Variants in ADAMTS2 observed in about 807,000 individuals in gnomAD.
ADAMTS2 encodes ADAM metallopeptidase with thrombospondin type 1 motif 2.
A neutral mutation model predicts 123.0 loss-of-function variants in ADAMTS2; 50 were observed. The observed-to-expected ratio is 0.41, with a 90% CI of 0.32 to 0.51. The LOEUF (loss-of-function observed/expected upper bound fraction) is 0.51. ADAMTS2 is among the 20% of genes least tolerant of loss of function. The pLI is 0.35. For synonymous variants in ADAMTS2, 678 were observed against 695.4 expected, an observed-to-expected ratio of 0.98 and a Z score of 0.39; for missense variants, 1,494 against 1,705.2, an observed-to-expected ratio of 0.88 and a Z score of 2.18.
Position 179,139,471 on chromosome 5 carries a change from G to A in ADAMTS2, c.1775+419C>T, listed in dbSNP as rs1020537774. The stretch of plus-strand genomic sequence containing the variant: ...GCTCTACAGGTTGTCCCTCCCCTGG[G>A]CAGCCAGACACTGATGACAAATCCC... On this transcript the variant is annotated intron_variant, in intron 11 of 21. Coordinates refer to ENST00000251582, the MANE Select transcript of ADAMTS2 (RefSeq NM_014244.5). 2.6e-5 allele frequency among the ~76,000 whole-genome samples: 4 copies of A among 152,212 alleles called. No homozygotes were observed. The South Asian group carries it at 6.2e-4, about 24-fold the overall frequency.
At chr5:179,209,269 C>G (rs1172499684) in intron 3 of ADAMTS2, among the ~76,000 whole-genome samples, 25 of 152,236 alleles carry the variant, frequency 1.6e-4, no homozygotes, top group Admixed American at 1.6e-3. Flanking sequence ...CGGCCAGAAG[C>G]TCTCTCCTTG....
intron 11 of ADAMTS2, 89 bp downstream of exon 11, chr5:179,139,801 G>A: frequency 6.4e-7 from 1 of 1,574,748 alleles, no homozygotes; most frequent in Non-Finnish European, 8.6e-7. Context: ...TGCAGCCACA[G>A]GGCCCTCCAG....
At chr5:179,171,017 A>G (rs1763805081) in intron 5 of ADAMTS2, among the ~76,000 whole-genome samples, 1 of 152,198 alleles carries the variant, frequency 6.6e-6, no homozygotes, top group South Asian at 2.1e-4. Flanking sequence ...GAAACTAGAA[A>G]CTTTTATAGC....
At position 179,122,704 on chromosome 5, in the gene ADAMTS2, C is replaced by T. The variant is rs368690576; in HGVS notation, c.3028G>A (p.Gly1010Ser). 3.5e-5 allele frequency: 54 copies of T among 1,551,770 alleles called. No individual in the cohort carries two copies. In the Admixed American group the frequency reaches 4.1e-4, roughly 12 times the overall value. The change falls in exon 20 of 22, where the codon GGC becomes AGC. Residue 1010 changes from glycine (G) to serine (S), a missense_variant. By Grantham distance (56) the Gly-to-Ser change is moderately conservative (BLOSUM62 0). Around this residue, in one of 6 missense-constraint regions of ADAMTS2, gnomAD observed 953 missense variants for 1,124.7 expected, o/e 0.85. Transcript: ENST00000251582. ...TCAGGACGCTCCTCCTGGCAGATGC[C>T]GAAGCTGTCGTCCGCGGTGCGGCAG... ...VLCRTADDSF[G>S]ICQEERPETA...
At chr5:179,322,296 G>A (rs895935803) in intron 2 of ADAMTS2, among the ~76,000 whole-genome samples, 1 of 152,240 alleles carries the variant, frequency 6.6e-6, no homozygotes, top group Admixed American at 6.5e-5. Flanking sequence ...GAGGAGCAGA[G>A]GATGCACCCA....
chr5:179,325,352 C>T (rs1757285582), intron 2 of ADAMTS2, among the ~76,000 whole-genome samples: 1 of 152,118 alleles, frequency 6.6e-6, no homozygotes, highest in African/African-American at 2.4e-5. Flanking sequence ...TCATGGGCAG[C>T]TGGAAGGGAG....
rs1343321895 is a variant in ADAMTS2 at position 179,307,357 on chromosome 5, CT to C, written c.535-34294del. Among the ~76,000 whole-genome samples, 1 of 152,214 alleles carries C rather than the reference CT, an allele frequency of 6.6e-6. No individual in the cohort carries two copies. Among genetic ancestry groups the C allele is most frequent in the East Asian group, 1.9e-4 (1 of 5,188 alleles). On this transcript the variant is annotated intron_variant, in intron 2 of 21. Transcript: ENST00000251582. The surrounding 1 kb of genome is among the most constrained non-coding windows in gnomAD (Gnocchi z 5.6). Reference sequence around the variant, plus strand: ...GCACCCGGCCAACCCTGGGTGGCCACTGCTCAGCACTCCAGGACAGCTCCAT... The same window carrying C: ...GCACCCGGCCAACCCTGGGTGGCCACGCTCAGCACTCCAGGACAGCTCCAT...
intron 5 of ADAMTS2, among the ~76,000 whole-genome samples, chr5:179,178,482 G>A (rs953399560): frequency 1.3e-5 from 2 of 152,222 alleles, no homozygotes; most frequent in Non-Finnish European, 1.5e-5. Context: ...CGAAGTGGCC[G>A]GCTGCAGAGA....
intron 2 of ADAMTS2, among the ~76,000 whole-genome samples, chr5:179,288,859 C>G (rs1351775802): frequency 1.3e-5 from 2 of 152,188 alleles, no homozygotes; most frequent in Non-Finnish European, 2.9e-5. Context: ...ACAGTGGCAC[C>G]CCAGGGTATG....
chr5:179,239,231 C>T (rs1005366125), intron 3 of ADAMTS2, among the ~76,000 whole-genome samples: 3 of 152,112 alleles, frequency 2.0e-5, no homozygotes, highest in Non-Finnish European at 4.4e-5. Context: ...ACGCAAGTGA[C>T]AACCGTGGAG....
intron 2 of ADAMTS2, among the ~76,000 whole-genome samples, chr5:179,292,718 C>T (rs1455725255): frequency 6.6e-6 from 1 of 152,118 alleles, no homozygotes; most frequent in Non-Finnish European, 1.5e-5. Context: ...CAAGGTGACT[C>T]TCTCTCCTTG....
chr5:179,255,367 C>T (rs1766022442), intron 3 of ADAMTS2, among the ~76,000 whole-genome samples: 1 of 152,104 alleles, frequency 6.6e-6, no homozygotes, highest in South Asian at 2.1e-4. Context: ...GTCACTGTTG[C>T]CATTTATACA....
At chr5:179,289,217 G>A (rs898954131) in intron 2 of ADAMTS2, among the ~76,000 whole-genome samples, 1 of 152,206 alleles carries the variant, frequency 6.6e-6, no homozygotes, top group Non-Finnish European at 1.5e-5. Flanking sequence ...GATGGAGGAG[G>A]CAGCTGGAAG....
rs923131294 is a variant in ADAMTS2 at position 179,242,216 on chromosome 5, G to C, written c.688+30695C>G. The stretch of plus-strand genomic sequence containing the variant: ...CTCTGCAGAAGAGAGCCAAGTCCTA[G>C]GAGGAGGAGAGACGCTGAGCCTTGG... On this transcript the variant is annotated intron_variant, in intron 3 of 21. Transcript: ENST00000251582. The surrounding 1 kb of genome is among the most constrained non-coding windows in gnomAD (Gnocchi z 4.2). Among the ~76,000 whole-genome samples, 7 of 152,216 alleles carry C rather than the reference G, an allele frequency of 4.6e-5. No individual in the cohort carries two copies. Among genetic ancestry groups the C allele is most frequent in the Non-Finnish European group, 1.0e-4 (7 of 68,038 alleles).
Position 179,256,442 on chromosome 5 carries a change from G to A in ADAMTS2, c.688+16469C>T, listed in dbSNP as rs756978085. On this transcript the variant is annotated intron_variant, in intron 3 of 21. Coordinates refer to ENST00000251582, the MANE Select transcript of ADAMTS2 (RefSeq NM_014244.5). The surrounding 1 kb of genome is among the most constrained non-coding windows in gnomAD (Gnocchi z 4.1). ...CCAGCTCAGGGAAGCTCCTGGGTGC[G>A]GCTCGGTTCACTCCAGCATTTCCTA... 2.6e-5 allele frequency among the ~76,000 whole-genome samples: 4 copies of A among 152,174 alleles called. No individual in the cohort carries two copies. Among genetic ancestry groups the A allele is most frequent in the Non-Finnish European group, 4.4e-5 (3 of 68,032 alleles).
intron 4 of ADAMTS2, among the ~76,000 whole-genome samples, chr5:179,199,572 G>A (rs1339128333): frequency 6.6e-6 from 1 of 152,206 alleles, no homozygotes; most frequent in Non-Finnish European, 1.5e-5. Context: ...CAGCCAATGT[G>A]TTCTTCCAGG....
chr5:179,223,641 CACACAT>C (rs563202615), intron 3 of ADAMTS2, among the ~76,000 whole-genome samples: 254 of 88,430 alleles, frequency 2.9e-3, no homozygotes, highest in African/African-American at 8.8e-3. Context: ...TGAATGCACA[CACACAT>C]ACACTCACAG....
At chr5:179,247,194 G>T (rs1457638828) in intron 3 of ADAMTS2, among the ~76,000 whole-genome samples, 2 of 152,060 alleles carry the variant, frequency 1.3e-5, no homozygotes, top group African/African-American at 4.8e-5. Flanking sequence ...TAAAGAAATA[G>T]AAATTATAAA....
intron 20 of ADAMTS2, 188 bp from the exon 21 acceptor site, chr5:179,121,938 G>C: frequency 2.2e-6 from 1 of 448,940 alleles, no homozygotes; most frequent in Admixed American, 4.2e-5. Flanking sequence ...CAGCAGCCGG[G>C]GTCTCAGCTG....
Sources: allele counts gnomAD v4.1 joint callset (sites outside exome capture counted in the v4.1 genomes callset), GRCh38; gene constraint gnomAD v4.1.1; regional missense constraint gnomAD v4.1.1; non-coding constraint Gnocchi (gnomAD v3.1); transcripts MANE v1.5; gene names NCBI Gene and HGNC (gene_info 2026-07-23, HGNC 2026-07-21).